Variants in SPECC1 observed in about 807,000 individuals in gnomAD.
SPECC1 encodes the protein sperm antigen with calponin homology and coiled-coil domains 1.
In SPECC1, 62 loss-of-function variants were observed where a neutral mutation model predicts 104.1. That is an observed-to-expected ratio of 0.60 (90% confidence interval 0.49 to 0.74). The LOEUF (loss-of-function observed/expected upper bound fraction) is 0.74. SPECC1 is among the 30% of genes least tolerant of loss of function. The probability of loss-of-function intolerance (pLI) is 0.00; values close to 1 mark genes in which losing one functional copy is unlikely to be tolerated. For synonymous variants in SPECC1, 513 were observed against 501.6 expected (o/e 1.02, Z -0.30); for missense variants, 1,306 against 1,310.5 (o/e 1.00, Z 0.05).
At chr17:20,075,881 AGGC>A (rs2046740901) in intron 1 of SPECC1, among the ~76,000 whole-genome samples, 1 of 152,178 alleles carries the variant, frequency 6.6e-6, no homozygotes, top group Non-Finnish European at 1.5e-5. Context: ...CAGGAGGTTG[AGGC>A]TACAGTGAGC....
chr17:20,285,297 A>C (rs2040906090), intron 12 of SPECC1, among the ~76,000 whole-genome samples: 1 of 152,224 alleles, frequency 6.6e-6, no homozygotes, highest in South Asian at 2.1e-4. Context: ...ACACTCTGGG[A>C]AGATATTCTT....
chr17:20,268,208 C>T (rs568345353), intron 12 of SPECC1, among the ~76,000 whole-genome samples: 2 of 152,336 alleles, frequency 1.3e-5, no homozygotes, highest in African/African-American at 4.8e-5. Flanking sequence ...AGATAGCAGG[C>T]GACACCTACA....
At chr17:20,265,605 C>T (rs962591081) in intron 12 of SPECC1, among the ~76,000 whole-genome samples, 3 of 152,082 alleles carry the variant, frequency 2.0e-5, no homozygotes, top group African/African-American at 7.2e-5. Context: ...AGTTAGATTC[C>T]ACTTGTCAAT....
intron 3 of SPECC1, among the ~76,000 whole-genome samples, chr17:20,137,485 A>T (rs1388676681): frequency 6.6e-6 from 1 of 152,166 alleles, no homozygotes; most frequent in Non-Finnish European, 1.5e-5. Flanking sequence ...ATAAAATGTG[A>T]TTTTTCCCTC....
intron 1 of SPECC1, among the ~76,000 whole-genome samples, chr17:20,070,610 CA>C (rs1451304173): frequency 6.6e-6 from 1 of 152,064 alleles, no homozygotes; most frequent in Non-Finnish European, 1.5e-5. Context: ...GTGGATATAC[CA>C]TAATCTAACC....
intron 3 of SPECC1, among the ~76,000 whole-genome samples, chr17:20,155,153 G>A (rs1405168609): frequency 5.3e-5 from 8 of 152,100 alleles, no homozygotes; most frequent in Non-Finnish European, 2.9e-5. Flanking sequence ...CCCAGGGTGG[G>A]TCAAGATGAG....
At chr17:20,237,280 G>GT (rs987659684) in intron 7 of SPECC1, 11 of 1,084,982 alleles carry the variant, frequency 1.0e-5, no homozygotes, top group Non-Finnish European at 1.2e-5. Context: ...GAGTTCTTTT[G>GT]TTTTTTGTTG....
chr17:20,240,471 C>T (rs1483470861), intron 7 of SPECC1, among the ~76,000 whole-genome samples: 1 of 151,758 alleles, frequency 6.6e-6, no homozygotes, highest in Non-Finnish European at 1.5e-5. Context: ...TTTTCCTTTA[C>T]TCTTTTTTTT....
At chr17:20,157,851 A>T in intron 3 of SPECC1, among the ~76,000 whole-genome samples, 1 of 152,174 alleles carries the variant, frequency 6.6e-6, no homozygotes, top group Non-Finnish European at 1.5e-5. Flanking sequence ...TTTTTAAGAG[A>T]TGGTGTCTCA....
intron 3 of SPECC1, among the ~76,000 whole-genome samples, chr17:20,116,803 CTTTTTTTTTTTT>C (rs58127201): frequency 0.016 from 819 of 50,428 alleles, 11 homozygotes; most frequent in African/African-American, 0.048. Context: ...TGTCTGGAGA[CTTTTTTTTTTTT>C]TTTTTTTTTT....
chr17:20,056,996 A>G (rs2152467504), intron 1 of SPECC1, among the ~76,000 whole-genome samples: 1 of 152,258 alleles, frequency 6.6e-6, no homozygotes, highest in South Asian at 2.1e-4. Context: ...AGAGGTCATC[A>G]GGAATGATGA....
At chr17:20,088,956 A>G (rs2047291405) in intron 1 of SPECC1, among the ~76,000 whole-genome samples, 1 of 152,244 alleles carries the variant, frequency 6.6e-6, no homozygotes. Flanking sequence ...TCTGTGCGGC[A>G]GAGTGAGCCC....
chr17:20,018,350 A>G (rs770252679), intron 1 of SPECC1, among the ~76,000 whole-genome samples: 17 of 152,218 alleles, frequency 1.1e-4, no homozygotes, highest in Non-Finnish European at 2.2e-4. Context: ...TGTTTCTACC[A>G]TTCCATTGAA....
In SPECC1 at chr17:20,185,972, G is replaced by T. The variant is rs968045411; in HGVS notation, c.284-18361G>T. Among the ~76,000 whole-genome samples, 18 of 152,184 alleles carry T rather than the reference G, an allele frequency of 1.2e-4. 1 individual carries two copies. Among genetic ancestry groups the T allele is most frequent in the Admixed American group, 9.8e-4 (15 of 15,278 alleles). On this transcript the variant is annotated intron_variant, in intron 3 of 14. Coordinates refer to ENST00000395527, the MANE Select transcript of SPECC1 (RefSeq NM_001243439.2). ...TCTGCCTCAGCCTCCTGAGTAGCTAGGACTACAGGCGTGTGCCACCACACC... is the reference window on the plus strand; with the variant it reads ...TCTGCCTCAGCCTCCTGAGTAGCTATGACTACAGGCGTGTGCCACCACACC...
Position 20,101,805 on chromosome 17 carries a change from G to C in SPECC1, c.147+5007G>C, listed in dbSNP as rs552712752. Among the ~76,000 whole-genome samples, 28 of 152,322 alleles carry C rather than the reference G, an allele frequency of 1.8e-4. No individual in the cohort carries two copies. The East Asian group carries it at 5.2e-3, about 28-fold the overall frequency. ...TTTAACAAACCCTTCCTGTGACTCT[G>C]ATGTCTGCTCAAGTTTGAGAAGCGG... On this transcript the variant is annotated intron_variant, in intron 2 of 14. Transcript: ENST00000395527.
rs760669981 is a variant in SPECC1, at chr17:20,318,565, T to C, written c.*4500T>C. On this transcript the variant is annotated 3_prime_UTR_variant, in exon 15 of 15. Transcript: ENST00000395527. Reference sequence around the variant, plus strand: ...TTAGCCTCCCCCTCCTCTTCCCCACTGAGGGGCAGCTTGTGGAGATGGAGG... The same window carrying C: ...TTAGCCTCCCCCTCCTCTTCCCCACCGAGGGGCAGCTTGTGGAGATGGAGG... 4.4e-6 allele frequency: 1 copy of C among 229,482 alleles called. No homozygotes were observed. Among genetic ancestry groups the C allele is most frequent in the East Asian group, 6.2e-5 (1 of 16,170 alleles). The allele number at this position is 229,482 out of a possible 1,614,324, so 14.2% of individuals were successfully genotyped here. A position where few individuals can be genotyped will look rare whatever the true frequency, so the allele number is the denominator to read the frequency against.
At chr17:20,167,768 C>A (rs1224374406) in intron 3 of SPECC1, among the ~76,000 whole-genome samples, 1 of 152,136 alleles carries the variant, frequency 6.6e-6, no homozygotes, top group Non-Finnish European at 1.5e-5. Flanking sequence ...AATGTAATTT[C>A]TGTGCTATTT....
chr17:20,046,441 C>A (rs1232175884), intron 1 of SPECC1, among the ~76,000 whole-genome samples: 1 of 152,098 alleles, frequency 6.6e-6, no homozygotes, highest in Non-Finnish European at 1.5e-5. Flanking sequence ...ATTGAATACT[C>A]TGAACTATGC....
intron 14 of SPECC1, among the ~76,000 whole-genome samples, chr17:20,307,103 GAGAA>G (rs773794650): frequency 6.6e-5 from 10 of 151,940 alleles, no homozygotes; most frequent in Non-Finnish European, 1.5e-4. Context: ...CAGCAGAAGA[GAGAA>G]ATACTAAATT....
Sources: gnomAD v4.1 joint callset for allele counts (sites outside exome capture counted in the v4.1 genomes callset) on GRCh38, gnomAD v4.1.1 for gene constraint, MANE v1.5 for transcripts, NCBI Gene and HGNC (gene_info 2026-07-23, HGNC 2026-07-21) for gene names.